The following SNAP91 variants were observed in gnomAD, a reference collection of about 807,000 sequenced individuals.
SNAP91 encodes synaptosome associated protein 91.
A neutral mutation model predicts 100.3 loss-of-function variants in SNAP91; 27 were observed. That is an observed-to-expected ratio of 0.27 (90% CI 0.20 to 0.37). The LOEUF (loss-of-function observed/expected upper bound fraction) is 0.37, where lower values mean the gene tolerates loss of function less well. SNAP91 is among the 10% of genes least tolerant of loss of function. The pLI, the probability that SNAP91 is intolerant of heterozygous loss-of-function variation, is 1.00. For synonymous variants in SNAP91, 404 were observed against 398.6 expected, an observed-to-expected ratio of 1.01 and a Z score of -0.16; for missense variants, 986 against 1,123.7, an observed-to-expected ratio of 0.88 and a Z score of 1.75.
At chr6:83,635,072 T>C (rs368239289) in intron 8 of SNAP91, among the ~76,000 whole-genome samples, 1 of 152,208 alleles carries the variant, frequency 6.6e-6, no homozygotes, top group East Asian at 1.9e-4. Flanking sequence ...TGGTGGATCT[T>C]AGAGTATGTA....
At chr6:83,574,977 C>T in intron 26 of SNAP91, 33 bp downstream of exon 26, 1 of 1,411,584 alleles carries the variant, frequency 7.1e-7, no homozygotes, top group Non-Finnish European at 9.8e-7. Context: ...TGGCAAACTG[C>T]CTGCGCTGCC....
chr6:83,554,036 A>C lies in SNAP91; in HGVS notation c.*260T>G, dbSNP rs1369027928. 2 of 154,810 alleles carry C rather than the reference A, an allele frequency of 1.3e-5. No individual in the cohort carries two copies. Among genetic ancestry groups the C allele is most frequent in the Non-Finnish European group, 1.5e-5 (1 of 68,482 alleles). 9.6% of individuals were successfully genotyped at this position (154,810 alleles called of 1,614,324 possible). A position where few individuals can be genotyped will look rare whatever the true frequency, so the allele number is the denominator to read the frequency against. On this transcript the variant is annotated 3_prime_UTR_variant, in exon 30 of 30. Transcript: ENST00000369694. ...CAAAAAAGCACTAACGGCATCAGTAACATCCATTCATTGTTTACATCGTAC... is the reference window on the plus strand; with the variant it reads ...CAAAAAAGCACTAACGGCATCAGTACCATCCATTCATTGTTTACATCGTAC...
chr6:83,656,661 C>A (rs960847958), intron 7 of SNAP91, 93 bp downstream of exon 7: 1 of 440,910 alleles, frequency 2.3e-6, no homozygotes. Flanking sequence ...CACAATATTG[C>A]CCACCAAGTG....
chr6:83,647,539 T>G (rs895430696), intron 7 of SNAP91, among the ~76,000 whole-genome samples: 2 of 152,216 alleles, frequency 1.3e-5, no homozygotes, highest in Non-Finnish European at 2.9e-5. Flanking sequence ...TAAATCCCCT[T>G]GGTCATGGTT....
rs2099169107 is a variant in SNAP91, at chr6:83,694,449, C to T, written c.130+13349G>A. Among the ~76,000 whole-genome samples the T allele has an allele frequency of 2.0e-5, 3 of 152,154 alleles. No individual in the cohort carries two copies. In the South Asian group the frequency reaches 6.2e-4, roughly 32 times the overall value. On this transcript the variant is annotated intron_variant, in intron 2 of 29. Coordinates refer to ENST00000369694, the MANE Select transcript of SNAP91 (RefSeq NM_001242792.2). The stretch of plus-strand genomic sequence containing the variant: ...GCAAAAAATTAAGCTTGTAGCATGC[C>T]ACTAGCTCCTGGTATTCCCAACAAT...
intron 2 of SNAP91, among the ~76,000 whole-genome samples, chr6:83,705,881 A>T (rs1271643359): frequency 7.2e-5 from 11 of 152,138 alleles, no homozygotes; most frequent in Admixed American, 7.2e-4. Context: ...TTAATAATAT[A>T]AAGTTCAGTT....
chr6:83,577,191 C>T (rs1374107782), intron 24 of SNAP91, among the ~76,000 whole-genome samples: 1 of 151,954 alleles, frequency 6.6e-6, no homozygotes, highest in Non-Finnish European at 1.5e-5. Flanking sequence ...GCTTTCTAGG[C>T]AGAGGGAACA....
chr6:83,582,181 C>T, intron 23 of SNAP91, 41 bp downstream of exon 23: 4 of 1,601,990 alleles, frequency 2.5e-6, no homozygotes, highest in East Asian at 2.2e-5. Context: ...TTTTTTATTA[C>T]CAGGACACAT....
At chr6:83,641,006 G>T in intron 8 of SNAP91, 90 bp downstream of exon 8, 1 of 702,318 alleles carries the variant, frequency 1.4e-6, no homozygotes, top group South Asian at 2.5e-5. Flanking sequence ...AATATACTGT[G>T]ACTCTCTTAC....
At chr6:83,691,123 A>G (rs568068410) in intron 2 of SNAP91, among the ~76,000 whole-genome samples, 1 of 152,252 alleles carries the variant, frequency 6.6e-6, no homozygotes, top group Non-Finnish European at 1.5e-5. Context: ...ATAGCTCTTA[A>G]TGATGACCTA....
intron 7 of SNAP91, among the ~76,000 whole-genome samples, chr6:83,643,745 T>TC (rs1452276848): frequency 1.2e-4 from 18 of 152,212 alleles, no homozygotes; most frequent in African/African-American, 4.1e-4. Flanking sequence ...CATTACCTTC[T>TC]GTTGACAGTC....
rs756571478 is a variant in SNAP91, at chr6:83,665,456, T to A, written c.256A>T (p.Met86Leu). 6.2e-7 allele frequency: 1 copy of A among 1,612,380 alleles called. No homozygotes were observed. Among genetic ancestry groups the A allele is most frequent in the Admixed American group, 1.7e-5 (1 of 59,850 alleles). ...FKALVTTHHL[M>L]VHGNERFIQY... ...TAGTTTACCTCATTTCCATGCACCA[T>A]GAGATGATGTGTTGTCACTAAAGCC... is the stretch of plus-strand genomic sequence containing the variant. The change falls in exon 3 of 30, where the codon ATG (methionine) becomes TTG (leucine). Residue 86 changes from methionine (M) to leucine (L), a missense_variant. Physicochemically the swap from Met to Leu is conservative, Grantham distance 15. This residue lies in a region of SNAP91 where 330 missense variants were observed against 447.5 expected (regional missense o/e 0.74). Transcript: ENST00000369694.
chr6:83,564,497 G>T (rs185176324), intron 26 of SNAP91, among the ~76,000 whole-genome samples: 1 of 152,008 alleles, frequency 6.6e-6, no homozygotes, highest in Admixed American at 6.6e-5. Context: ...TCAGTAGGTG[G>T]AACCACAGGT....
At position 83,566,134 on chromosome 6, in the gene SNAP91, G is replaced by A. The variant is rs571248530; in HGVS notation, c.2443-5187C>T. ...CCATAAAAATGGAGTACTGATACATGCTTCGACATGGATAAACCTAGAAAA... is the reference window on the plus strand; with the variant it reads ...CCATAAAAATGGAGTACTGATACATACTTCGACATGGATAAACCTAGAAAA... On this transcript the variant is annotated intron_variant, in intron 26 of 29. Coordinates refer to ENST00000369694, the MANE Select transcript of SNAP91 (RefSeq NM_001242792.2). Among the ~76,000 whole-genome samples, 265 of 152,238 alleles carry A rather than the reference G, an allele frequency of 1.7e-3. 1 individual carries two copies. The highest frequency in any genetic ancestry group is 5.8e-3 in the African/African-American group (242 of 41,552).
chr6:83,594,412 G>A lies in SNAP91; in HGVS notation c.1394C>T (p.Thr465Ile), dbSNP rs1384633243. Residue 465 changes from threonine to isoleucine, a missense_variant, in exon 17 of 30, where the codon ACC (threonine) becomes ATC (isoleucine). Thr to Ile is a moderately conservative substitution (Grantham distance 89). Coordinates refer to ENST00000369694, the MANE Select transcript of SNAP91 (RefSeq NM_001242792.2). The part of the protein sequence containing the change: ...SEGAAAPATP[T>I]PVAAALDACS... Reference sequence around the variant, plus strand: ...TGCATCAAGTGCTGCTGCTACAGGGGTTGGGGTAGCTGGTGCGGCGGCCCC... The same window carrying A: ...TGCATCAAGTGCTGCTGCTACAGGGATTGGGGTAGCTGGTGCGGCGGCCCC... The A allele has an allele frequency of 6.4e-7, 1 of 1,553,526 alleles. No homozygotes were observed. The highest frequency in any genetic ancestry group is 2.0e-5 in the Admixed American group (1 of 51,256).
intron 22 of SNAP91, among the ~76,000 whole-genome samples, chr6:83,590,210 A>C (rs2093535491): frequency 6.6e-6 from 1 of 152,180 alleles, no homozygotes; most frequent in Non-Finnish European, 1.5e-5. Flanking sequence ...GTAAAATCAG[A>C]GTAAGGTAAG....
At chr6:83,690,794 T>C (rs1437527133) in intron 2 of SNAP91, among the ~76,000 whole-genome samples, 1 of 152,100 alleles carries the variant, frequency 6.6e-6, no homozygotes, top group African/African-American at 2.4e-5. Flanking sequence ...AAATTATTAC[T>C]TAATTAGTGT....
At chr6:83,683,368 T>C (rs2099018240) in intron 2 of SNAP91, among the ~76,000 whole-genome samples, 1 of 152,192 alleles carries the variant, frequency 6.6e-6, no homozygotes, top group African/African-American at 2.4e-5. Context: ...TGGAAGGTGT[T>C]TGGGCCTTGC....
intron 28 of SNAP91, among the ~76,000 whole-genome samples, chr6:83,557,514 TA>T (rs397973683): frequency 2.7e-4 from 39 of 143,042 alleles, no homozygotes; most frequent in East Asian, 8.1e-4. Flanking sequence ...CAAAAAATAA[TA>T]AAAAAAAAAA....
Sources: gnomAD v4.1 joint callset for allele counts (sites outside exome capture counted in the v4.1 genomes callset) on GRCh38, gnomAD v4.1.1 for gene constraint, gnomAD v4.1.1 regional missense constraint, MANE v1.5 for transcripts, NCBI Gene and HGNC (gene_info 2026-07-23, HGNC 2026-07-21) for gene names.